MARCHF8: variants seen among roughly 807,000 people sequenced by gnomAD.
The protein encoded by MARCHF8 is membrane associated ring-CH-type finger 8.
A neutral mutation model predicts 51.6 loss-of-function variants in MARCHF8; 40 were observed. The ratio of observed to expected loss-of-function variants is 0.77; its 90% CI spans 0.60 to 1.01. The LOEUF is 1.01. Among genes scored for constraint, MARCHF8 ranks in the 50% least tolerant of loss-of-function variants. The probability of loss-of-function intolerance (pLI) is 0.00; values close to 1 mark genes in which losing one functional copy is unlikely to be tolerated. For missense variants in MARCHF8, 685 were observed against 708.6 expected (o/e 0.97, Z 0.38); for synonymous variants, 263 against 280.3 (o/e 0.94, Z 0.62).
intron 2 of MARCHF8, among the ~76,000 whole-genome samples, chr10:45,530,713 C>T (rs1589154547): frequency 6.6e-6 from 1 of 152,034 alleles, no homozygotes; most frequent in African/African-American, 2.4e-5. Context: ...TTCGTGGCTG[C>T]GGTATGCTGT....
chr10:45,521,597 A>G (rs2043707154), intron 2 of MARCHF8, among the ~76,000 whole-genome samples: 1 of 152,218 alleles, frequency 6.6e-6, no homozygotes, highest in African/African-American at 2.4e-5. Context: ...TTTACATAAG[A>G]TAACAAAAAA....
In MARCHF8 at chr10:45,461,356, T is replaced by G. The variant is rs759673296; in HGVS notation, c.1144A>C (p.Thr382Pro). The G allele has an allele frequency of 6.2e-7, 1 of 1,606,136 alleles. No individual in the cohort carries two copies. Among genetic ancestry groups the G allele is most frequent in the Admixed American group, 1.7e-5 (1 of 58,636 alleles). ...ESPLITPCHC[T>P]GSLHFVHQAC... ...TGGTGCACGAAGTGGAGGCTTCCTG[T>G]GCAGTGGCAGGGGGTGATCAGGGGG... Residue 382 changes from threonine (T) to proline (P), a missense_variant, in exon 6 of 8, where the codon ACA becomes CCA. Coordinates refer to ENST00000453424, the MANE Select transcript of MARCHF8 (RefSeq NM_001282866.2).
intron 2 of MARCHF8, among the ~76,000 whole-genome samples, chr10:45,493,957 A>G (rs2043128708): frequency 6.6e-6 from 1 of 152,224 alleles, no homozygotes; most frequent in Non-Finnish European, 1.5e-5. Flanking sequence ...TTTATGACTC[A>G]TGTTTTAAAA....
intron 1 of MARCHF8, among the ~76,000 whole-genome samples, chr10:45,555,324 TA>T (rs1040987046): frequency 2.0e-5 from 3 of 147,878 alleles, no homozygotes; most frequent in Non-Finnish European, 4.4e-5. Flanking sequence ...CCTGGGAGGG[TA>T]AGGAGAGAGG....
chr10:45,544,405 C>A (rs2044095216), intron 1 of MARCHF8, among the ~76,000 whole-genome samples: 2 of 152,136 alleles, frequency 1.3e-5, no homozygotes, highest in South Asian at 4.1e-4. Flanking sequence ...TACGTCCACA[C>A]AAAGACACAT....
At chr10:45,585,072 A>C (rs1211697652) in intron 1 of MARCHF8, among the ~76,000 whole-genome samples, 1 of 152,210 alleles carries the variant, frequency 6.6e-6, no homozygotes, top group Non-Finnish European at 1.5e-5. Flanking sequence ...CAGATAACCC[A>C]GCCAAGCCTA....
chr10:45,514,778 C>G (rs1753699174), intron 2 of MARCHF8, among the ~76,000 whole-genome samples: 1 of 152,050 alleles, frequency 6.6e-6, no homozygotes, highest in African/African-American at 2.4e-5. Context: ...ACCTGTCACC[C>G]AGACTTACTT....
chr10:45,513,807 C>G (rs2043576007), intron 2 of MARCHF8, among the ~76,000 whole-genome samples: 1 of 152,136 alleles, frequency 6.6e-6, no homozygotes, highest in Admixed American at 6.5e-5. Flanking sequence ...AACAAAGACC[C>G]TTTGTTCTGT....
At chr10:45,572,319 TTC>T (rs1375501097) in intron 1 of MARCHF8, among the ~76,000 whole-genome samples, 1 of 152,034 alleles carries the variant, frequency 6.6e-6, no homozygotes, top group African/African-American at 2.4e-5. Context: ...ACCCTCTCTT[TTC>T]TCTGGACTTG....
At chr10:45,525,741 T>C (rs1269016471) in intron 2 of MARCHF8, among the ~76,000 whole-genome samples, 1 of 152,228 alleles carries the variant, frequency 6.6e-6, no homozygotes, top group Non-Finnish European at 1.5e-5. Flanking sequence ...AACTGGTACA[T>C]TGTATCTGTG....
At chr10:45,517,613 T>C (rs2043641172) in intron 2 of MARCHF8, among the ~76,000 whole-genome samples, 1 of 152,220 alleles carries the variant, frequency 6.6e-6, no homozygotes, top group Non-Finnish European at 1.5e-5. Flanking sequence ...CAGATGCCGG[T>C]GTCAGGCTTC....
chr10:45,541,002 T>A (rs1489280482), intron 1 of MARCHF8, among the ~76,000 whole-genome samples: 3 of 152,194 alleles, frequency 2.0e-5, no homozygotes, highest in African/African-American at 7.2e-5. Context: ...ATTGTGGAAG[T>A]CAGTGTGGCG....
chr10:45,466,273 T>C (rs565681954), intron 3 of MARCHF8, among the ~76,000 whole-genome samples: 38 of 152,338 alleles, frequency 2.5e-4, no homozygotes, highest in Non-Finnish European at 4.9e-4. Context: ...CTAACACTAT[T>C]CTGGGACTGA....
intron 2 of MARCHF8, among the ~76,000 whole-genome samples, chr10:45,513,165 A>G (rs1238998900): frequency 6.6e-6 from 1 of 151,348 alleles, no homozygotes; most frequent in African/African-American, 2.4e-5. Flanking sequence ...TCCCTCCACT[A>G]TTGTCCTATG....
At chr10:45,545,509 G>A (rs1373598945) in intron 1 of MARCHF8, among the ~76,000 whole-genome samples, 6 of 152,184 alleles carry the variant, frequency 3.9e-5, no homozygotes. Flanking sequence ...ATCTGCAGCA[G>A]ATTGACCACA....
intron 2 of MARCHF8, among the ~76,000 whole-genome samples, chr10:45,517,695 A>G (rs35750365): frequency 0.066 from 9,996 of 152,284 alleles, 378 homozygotes; most frequent in African/African-American, 0.077. Context: ...ATTTCTTTAC[A>G]GCAACAAGAC....
chr10:45,594,691 G>A (rs1281349880), exon 1 of MARCHF8: 1 of 150,434 alleles, frequency 6.6e-6, no homozygotes, highest in East Asian at 2.0e-4. Flanking sequence ...CCGGGGGCTC[G>A]GCCGCCCTTA....
In MARCHF8 at chr10:45,514,812, A is replaced by G. The variant is rs188390349; in HGVS notation, c.102+18298T>C. Among the ~76,000 whole-genome samples, 182 of 152,282 alleles carry G rather than the reference A, an allele frequency of 1.2e-3. 1 individual carries two copies. The highest frequency in any genetic ancestry group is 4.3e-3 in the African/African-American group (179 of 41,544). On this transcript the variant is annotated intron_variant, in intron 2 of 7. Coordinates refer to ENST00000453424, the MANE Select transcript of MARCHF8 (RefSeq NM_001282866.2). ...TTGAAATATTTTTTTTAATGTAGAA[A>G]AGCTAAATGATTAACCACAGATGTC...
At chr10:45,467,351 G>C (rs764972588) in intron 3 of MARCHF8, among the ~76,000 whole-genome samples, 3 of 152,136 alleles carry the variant, frequency 2.0e-5, no homozygotes, top group Non-Finnish European at 4.4e-5. Flanking sequence ...TCCAATAAAA[G>C]CAAGAAAACC....
Sources: allele counts gnomAD v4.1 joint callset (sites outside exome capture counted in the v4.1 genomes callset), GRCh38; gene constraint gnomAD v4.1.1; transcripts MANE v1.5; gene names NCBI Gene and HGNC (gene_info 2026-07-23, HGNC 2026-07-21).